Variants in DLG2 observed in about 807,000 individuals in gnomAD.
DLG2 encodes the protein disks large homolog 2.
In DLG2, 45 loss-of-function variants were observed where a neutral mutation model predicts 132.5. The observed-to-expected ratio is 0.34, with a 90% CI of 0.27 to 0.44. The LOEUF (loss-of-function observed/expected upper bound fraction) is 0.44, where lower values mean the gene tolerates loss of function less well. Ranked by LOEUF, DLG2 falls within the 20% of genes least tolerant of loss-of-function variation. The pLI is 1.00. For missense variants in DLG2, 1,045 were observed against 1,196.9 expected (o/e 0.87, Z 1.87); for synonymous variants, 424 against 419.6 (o/e 1.01, Z -0.13).
intron 6 of DLG2, among the ~76,000 whole-genome samples, chr11:84,702,813 A>G (rs1276826609): frequency 6.6e-6 from 1 of 151,688 alleles, no homozygotes; most frequent in Non-Finnish European, 1.5e-5. Context: ...TATAAACTCC[A>G]TGAAGGAGGG....
At chr11:84,045,069 TA>T (rs1251391861) in intron 11 of DLG2, among the ~76,000 whole-genome samples, 2 of 151,760 alleles carry the variant, frequency 1.3e-5, no homozygotes, top group Non-Finnish European at 2.9e-5. Flanking sequence ...AAGGAGAAAA[TA>T]ACCTGTTCTC....
At chr11:85,020,410 G>C (rs201398183) in intron 6 of DLG2, among the ~76,000 whole-genome samples, 2 of 152,082 alleles carry the variant, frequency 1.3e-5, no homozygotes, top group Non-Finnish European at 1.5e-5. Context: ...CCATTCTGTA[G>C]GTCGCCTGTT....
chr11:83,855,230 G>A (rs1468938165), intron 16 of DLG2, among the ~76,000 whole-genome samples: 1 of 152,146 alleles, frequency 6.6e-6, no homozygotes, highest in Non-Finnish European at 1.5e-5. Context: ...AATGCAAATG[G>A]TATAGTCACT....
chr11:85,154,275 G>A (rs2077454308), intron 5 of DLG2, among the ~76,000 whole-genome samples: 1 of 151,760 alleles, frequency 6.6e-6, no homozygotes, highest in Non-Finnish European at 1.5e-5. Flanking sequence ...TTCAAGAGAG[G>A]AAAAGTGAAA....
chr11:84,666,920 A>C (rs1476410466), intron 6 of DLG2, among the ~76,000 whole-genome samples: 2 of 152,154 alleles, frequency 1.3e-5, no homozygotes, highest in Non-Finnish European at 2.9e-5. Flanking sequence ...ACTAAAATGC[A>C]CTACTGAATA....
At chr11:84,253,650 A>C (rs565848387) in intron 7 of DLG2, among the ~76,000 whole-genome samples, 1 of 152,304 alleles carries the variant, frequency 6.6e-6, no homozygotes, top group South Asian at 2.1e-4. Context: ...ATTACTGCTT[A>C]TTAAGTATGT....
chr11:84,875,037 AAGAG>A (rs1265460644), intron 6 of DLG2, among the ~76,000 whole-genome samples: 2 of 151,652 alleles, frequency 1.3e-5, no homozygotes, highest in Non-Finnish European at 2.9e-5. Flanking sequence ...AAAAAAAAAA[AAGAG>A]AAAGATTTAG....
At position 85,058,848 on chromosome 11, in the gene DLG2, T is replaced by G. The variant is rs575135845; in HGVS notation, c.357+52813A>C. Among the ~76,000 whole-genome samples the G allele has an allele frequency of 2.3e-4, 35 of 151,574 alleles. No homozygotes were observed. The South Asian group carries it at 7.0e-3, about 31-fold the overall frequency. On this transcript the variant is annotated intron_variant, in intron 6 of 27. Coordinates refer to ENST00000376104, the MANE Select transcript of DLG2 (RefSeq NM_001142699.3). ...AAATGAATTGTGACCCCTTACCTCA[T>G]ACTATACACAAAATCAATTCCAAGT...
At chr11:84,453,750 C>A (rs1602404948) in intron 7 of DLG2, among the ~76,000 whole-genome samples, 1 of 151,644 alleles carries the variant, frequency 6.6e-6, no homozygotes, top group Non-Finnish European at 1.5e-5. Flanking sequence ...GGTTGACACT[C>A]AACCAACAAT....
chr11:83,976,801 C>T lies in DLG2; in HGVS notation c.1056+3705G>A, dbSNP rs140194558. Among the ~76,000 whole-genome samples, 11 of 151,876 alleles carry T rather than the reference C, an allele frequency of 7.2e-5. No homozygotes were observed. In the East Asian group the frequency reaches 9.7e-4, roughly 13 times the overall value. On this transcript the variant is annotated intron_variant, in intron 12 of 27. Transcript: ENST00000376104. ...TTAAGGATTATGTCACAGCTATTTTCGAAATCATTTTTTTTTGAGAGTTCA... is the reference window on the plus strand; with the variant it reads ...TTAAGGATTATGTCACAGCTATTTTTGAAATCATTTTTTTTTGAGAGTTCA...
rs561822389 is a variant in DLG2 at position 84,852,141 on chromosome 11, T to C, written c.357+259520A>G. ...GGAAATCTGCAGCTATAGCTGCTTCTTTTTATACATCATCCCTTGCTCTAA... is the reference window on the plus strand; with the variant it reads ...GGAAATCTGCAGCTATAGCTGCTTCCTTTTATACATCATCCCTTGCTCTAA... On this transcript the variant is annotated intron_variant, in intron 6 of 27. Coordinates refer to ENST00000376104, the MANE Select transcript of DLG2 (RefSeq NM_001142699.3). Among the ~76,000 whole-genome samples the C allele has an allele frequency of 8.5e-5, 13 of 152,162 alleles. 1 individual carries two copies. In the South Asian group the frequency reaches 2.5e-3, roughly 29 times the overall value.
At chr11:83,810,349 A>ATG (rs972044175) in intron 17 of DLG2, among the ~76,000 whole-genome samples, 12 of 151,954 alleles carry the variant, frequency 7.9e-5, no homozygotes, top group South Asian at 4.1e-4. Flanking sequence ...GCAATTGTTT[A>ATG]TGTGTGTGTG....
chr11:84,427,489 G>C (rs1030472713), intron 7 of DLG2, among the ~76,000 whole-genome samples: 1 of 152,076 alleles, frequency 6.6e-6, no homozygotes, highest in Non-Finnish European at 1.5e-5. Flanking sequence ...GTGCCAATAA[G>C]AGGATTCACA....
chr11:83,550,911 A>G (rs764742344), intron 19 of DLG2, among the ~76,000 whole-genome samples: 14 of 152,142 alleles, frequency 9.2e-5, no homozygotes, highest in Non-Finnish European at 1.9e-4. Flanking sequence ...ATTAATTAGT[A>G]AGCTTGGGGT....
chr11:84,687,296 T>C (rs965308105), intron 6 of DLG2: 1 of 152,120 alleles, frequency 6.6e-6, no homozygotes, highest in African/African-American at 2.4e-5. Flanking sequence ...CATAACGACA[T>C]AACTGATTTT....
At chr11:84,130,769 T>C (rs2094390630) in intron 9 of DLG2, among the ~76,000 whole-genome samples, 1 of 151,786 alleles carries the variant, frequency 6.6e-6, no homozygotes, top group Admixed American at 6.6e-5. Flanking sequence ...AGGGTAAAGA[T>C]GCATGAAATT....
intron 7 of DLG2, among the ~76,000 whole-genome samples, chr11:84,414,647 A>C (rs1357749182): frequency 6.6e-6 from 1 of 152,186 alleles, no homozygotes; most frequent in Non-Finnish European, 1.5e-5. Flanking sequence ...TATAATCAAG[A>C]CTGATCTATC....
chr11:84,054,734 A>T (rs528132637), intron 11 of DLG2, among the ~76,000 whole-genome samples: 76 of 152,172 alleles, frequency 5.0e-4, no homozygotes, highest in African/African-American at 1.8e-3. Flanking sequence ...ATCAATACAG[A>T]GTACGAAATT....
chr11:85,389,485 T>G (rs1321260146), intron 3 of DLG2, among the ~76,000 whole-genome samples: 1 of 152,052 alleles, frequency 6.6e-6, no homozygotes, highest in Non-Finnish European at 1.5e-5. Context: ...GATCTAGACA[T>G]TCAAATACAA....
Sources: allele counts gnomAD v4.1 joint callset (sites outside exome capture counted in the v4.1 genomes callset), GRCh38; gene constraint gnomAD v4.1.1; transcripts MANE v1.5; gene names NCBI Gene and HGNC (gene_info 2026-07-23, HGNC 2026-07-21).